The following WARS2 variants were observed in gnomAD, a reference collection of about 807,000 sequenced individuals.
WARS2 encodes the protein tryptophan--tRNA ligase, mitochondrial.
A neutral mutation model predicts 36.5 loss-of-function variants in WARS2; 28 were observed. The ratio of observed to expected loss-of-function variants is 0.77; its 90% CI spans 0.57 to 1.05. The LOEUF (loss-of-function observed/expected upper bound fraction) is 1.05, where lower values mean the gene tolerates loss of function less well. Ranked by LOEUF, WARS2 falls within the 50% of genes least tolerant of loss-of-function variation. The pLI, the probability that WARS2 is intolerant of heterozygous loss-of-function variation, is 0.00. For missense variants in WARS2, 435 were observed against 456.8 expected, an observed-to-expected ratio of 0.95 and a Z score of 0.44; for synonymous variants, 174 against 178.4, an observed-to-expected ratio of 0.98 and a Z score of 0.20.
chr1:119,080,281 T>A (rs985664939), intron 1 of WARS2, among the ~76,000 whole-genome samples: 1 of 152,166 alleles, frequency 6.6e-6, no homozygotes, highest in African/African-American at 2.4e-5. Flanking sequence ...TTGAAAATAA[T>A]AGGAATATTT....
At chr1:119,129,821 T>C (rs1655966977) in intron 1 of WARS2, among the ~76,000 whole-genome samples, 2 of 152,244 alleles carry the variant, frequency 1.3e-5, no homozygotes, top group African/African-American at 4.8e-5. Context: ...GACAATTTGG[T>C]AAGCAAGCAT....
chr1:119,122,693 A>T (rs774339564), intron 1 of WARS2, among the ~76,000 whole-genome samples: 3 of 152,212 alleles, frequency 2.0e-5, no homozygotes, highest in Non-Finnish European at 2.9e-5. Context: ...TATACCATGG[A>T]ATACTACTCA....
chr1:119,104,071 A>G (rs4659148), intron 1 of WARS2, among the ~76,000 whole-genome samples: 116,502 of 151,108 alleles, frequency 0.77, 45,219 homozygotes, highest in East Asian at 0.89. Context: ...CTCCCACCTC[A>G]TCCGCCCAAA....
intron 2 of WARS2, among the ~76,000 whole-genome samples, chr1:119,055,635 CT>C (rs561632880): frequency 9.4e-4 from 142 of 150,618 alleles, no homozygotes; most frequent in Non-Finnish European, 1.6e-3. Context: ...GAGGGATAGT[CT>C]GTCCCAAAAA....
intron 1 of WARS2, among the ~76,000 whole-genome samples, chr1:119,107,075 T>G (rs1654288999): frequency 6.6e-6 from 1 of 152,212 alleles, no homozygotes; most frequent in South Asian, 2.1e-4. Flanking sequence ...GAACATCTTT[T>G]GATATGCTTA....
At chr1:119,033,482 G>T in intron 5 of WARS2, 123 bp from the exon 6 acceptor site, 1 of 1,255,264 alleles carries the variant, frequency 8.0e-7, no homozygotes, top group Non-Finnish European at 1.1e-6. Flanking sequence ...CAACTTTACA[G>T]TGGTGCAAAT....
chr1:119,095,593 C>T (rs376500547), intron 1 of WARS2, among the ~76,000 whole-genome samples: 27 of 152,174 alleles, frequency 1.8e-4, no homozygotes, highest in African/African-American at 5.3e-4. Context: ...CCACCGCGCC[C>T]GGCTAATTTT....
Position 119,094,426 on chromosome 1 carries a change from GC to G in WARS2, c.91-17820del, listed in dbSNP as rs1653271404. On this transcript the variant is annotated intron_variant, in intron 1 of 5. Transcript: ENST00000235521. Reference sequence around the variant, plus strand: ...ATTGTTTTTTGGCATAATTACCCCAGCCCAAACGGTTTTGAGATATGTGTTT... The same window carrying G: ...ATTGTTTTTTGGCATAATTACCCCAGCCAAACGGTTTTGAGATATGTGTTT... Among the ~76,000 whole-genome samples, 4 of 151,288 alleles carry G rather than the reference GC, an allele frequency of 2.6e-5. No homozygotes were observed. The South Asian group carries it at 8.4e-4, about 32-fold the overall frequency.
intron 1 of WARS2, among the ~76,000 whole-genome samples, chr1:119,138,138 T>C (rs1051567401): frequency 1.3e-5 from 2 of 152,174 alleles, no homozygotes; most frequent in Non-Finnish European, 2.9e-5. Flanking sequence ...TCTTGCAAAA[T>C]AATTTTTTTC....
Position 119,097,611 on chromosome 1 carries a change from T to C in WARS2, c.91-21004A>G, listed in dbSNP as rs587595048. On this transcript the variant is annotated intron_variant, in intron 1 of 5. Coordinates refer to ENST00000235521, the MANE Select transcript of WARS2 (RefSeq NM_015836.4). ...CAGGACAAGATGAGTCACTTGCTCC[T>C]GTAAGCAACTACAATGCTTTGTCCT... Among the ~76,000 whole-genome samples the C allele has an allele frequency of 3.3e-5, 5 of 152,344 alleles. No homozygotes were observed. The South Asian group carries it at 1.0e-3, about 32-fold the overall frequency.
At chr1:119,085,349 G>T in intron 1 of WARS2, 3 of 1,359,010 alleles carry the variant, frequency 2.2e-6, no homozygotes, top group Non-Finnish European at 3.2e-6. Context: ...AGTTCTTGCT[G>T]CTGTGCTTCT....
At chr1:119,079,341 T>A (rs182359176) in intron 1 of WARS2, among the ~76,000 whole-genome samples, 1 of 152,308 alleles carries the variant, frequency 6.6e-6, no homozygotes, top group African/African-American at 2.4e-5. Flanking sequence ...TCAAGAGTAC[T>A]TTATCCATCC....
At chr1:119,085,417 G>A in intron 1 of WARS2, 2 of 1,462,508 alleles carry the variant, frequency 1.4e-6, no homozygotes, top group South Asian at 1.2e-5. Flanking sequence ...GAAGAGGATG[G>A]TTGCTCTGCC....
intron 1 of WARS2, among the ~76,000 whole-genome samples, chr1:119,119,195 A>G (rs1480375536): frequency 1.3e-5 from 2 of 152,138 alleles, no homozygotes; most frequent in Non-Finnish European, 2.9e-5. Flanking sequence ...CCTAACACGT[A>G]AAGACTCACA....
chr1:119,043,762 G>T (rs567046616), intron 3 of WARS2, among the ~76,000 whole-genome samples: 1 of 152,172 alleles, frequency 6.6e-6, no homozygotes, highest in East Asian at 1.9e-4. Context: ...TTAGCATAAT[G>T]GACCTTGAAA....
At chr1:119,042,376 G>A in intron 3 of WARS2, 27 bp from the exon 4 acceptor site, 2 of 1,604,904 alleles carry the variant, frequency 1.2e-6, no homozygotes, top group Admixed American at 1.7e-5. Flanking sequence ...GAGAGGAGGG[G>A]AAGAAATCTG....
At chr1:119,092,061 CAG>C (rs1344063913) in intron 1 of WARS2, among the ~76,000 whole-genome samples, 1 of 152,132 alleles carries the variant, frequency 6.6e-6, no homozygotes. Flanking sequence ...TAGAGCAACA[CAG>C]GGGTATATTT....
intron 1 of WARS2, among the ~76,000 whole-genome samples, chr1:119,089,849 A>G (rs973148100): frequency 6.6e-6 from 1 of 152,220 alleles, no homozygotes; most frequent in African/African-American, 2.4e-5. Flanking sequence ...GTTGGAAGAC[A>G]TGATTCTCAG....
At chr1:119,107,802 T>C (rs1654349995) in intron 1 of WARS2, among the ~76,000 whole-genome samples, 1 of 152,236 alleles carries the variant, frequency 6.6e-6, no homozygotes, top group Admixed American at 6.5e-5. Context: ...AAGTATGATG[T>C]TAGCTGCAGG....
Sources: allele counts gnomAD v4.1 joint callset (sites outside exome capture counted in the v4.1 genomes callset), GRCh38; gene constraint gnomAD v4.1.1; transcripts MANE v1.5; gene names NCBI Gene and HGNC (gene_info 2026-07-23, HGNC 2026-07-21).